Variants in FHL2 observed in about 807,000 individuals in gnomAD.
The protein encoded by FHL2 is four and a half LIM domains 2, also known as four and a half LIM domains protein 2.
In FHL2, 20 loss-of-function variants were observed where a neutral mutation model predicts 32.7. The ratio of observed to expected loss-of-function variants is 0.61; its 90% CI spans 0.43 to 0.89. The LOEUF is 0.89. Ranked by LOEUF, FHL2 falls within the 40% of genes least tolerant of loss-of-function variation. The pLI is 0.00. For missense variants in FHL2, 311 were observed against 358.6 expected (o/e 0.87, Z 1.07); for synonymous variants, 123 against 128.1 (o/e 0.96, Z 0.27).
chr2:105,405,638 A>G (rs1683605862), intron 1 of FHL2, among the ~76,000 whole-genome samples: 1 of 152,248 alleles, frequency 6.6e-6, no homozygotes, highest in Non-Finnish European at 1.5e-5. Flanking sequence ...TTTATGAGTC[A>G]ACATTAAAAA....
chr2:105,411,296 A>T (rs536975080), intron 1 of FHL2, among the ~76,000 whole-genome samples: 1 of 152,354 alleles, frequency 6.6e-6, no homozygotes, highest in South Asian at 2.1e-4. Context: ...TTTAAAAAGT[A>T]ACTTTTTAAG....
intron 1 of FHL2, among the ~76,000 whole-genome samples, chr2:105,432,953 C>T (rs555145226): frequency 6.6e-6 from 1 of 152,282 alleles, no homozygotes; most frequent in African/African-American, 2.4e-5. Context: ...TAGCTCCTTC[C>T]TTTGGATTTC....
chr2:105,428,822 T>C (rs1038960622), intron 1 of FHL2, among the ~76,000 whole-genome samples: 4 of 152,218 alleles, frequency 2.6e-5, no homozygotes, highest in Non-Finnish European at 4.4e-5. Flanking sequence ...GGTCTGCCCT[T>C]GGCGGCTGCT....
chr2:105,402,642 G>A (rs756198949), upstream of FHL2, among the ~76,000 whole-genome samples: 36 of 152,160 alleles, frequency 2.4e-4, no homozygotes, highest in South Asian at 4.1e-4. Flanking sequence ...AGTCAAAGGA[G>A]GATGGCAAGA....
chr2:105,385,316 T>C (rs1271523129), intron 3 of FHL2, among the ~76,000 whole-genome samples: 1 of 152,198 alleles, frequency 6.6e-6, no homozygotes, highest in Non-Finnish European at 1.5e-5. Flanking sequence ...TTCCTAAGAA[T>C]GATGTGATCA....
downstream of FHL2, chr2:105,358,222 G>C (rs1027061466): frequency 3.3e-5 from 5 of 152,158 alleles, no homozygotes; most frequent in African/African-American, 1.2e-4. Context: ...CTCGTTCTCC[G>C]TACCAAATAC....
chr2:105,397,854 C>G (rs554238598), intron 1 of FHL2, among the ~76,000 whole-genome samples: 1 of 148,454 alleles, frequency 6.7e-6, no homozygotes, highest in East Asian at 2.0e-4. Flanking sequence ...ACTTCTAAGA[C>G]TTGATGCAAA....
chr2:105,394,557 C>T (rs1290117498), intron 2 of FHL2, among the ~76,000 whole-genome samples: 2 of 146,940 alleles, frequency 1.4e-5, no homozygotes, highest in Non-Finnish European at 3.0e-5. Context: ...GCACTCCAGC[C>T]TGAGCAACAG....
intron 4 of FHL2, among the ~76,000 whole-genome samples, chr2:105,368,207 C>A (rs1423107230): frequency 6.6e-6 from 1 of 152,178 alleles, no homozygotes; most frequent in Non-Finnish European, 1.5e-5. Context: ...GAACCTGGAA[C>A]CTCGAACCTG....
In FHL2 at chr2:105,399,024, G is replaced by T. The variant is rs1043297556; in HGVS notation, c.-258C>A. On this transcript the variant is annotated 5_prime_UTR_variant, in exon 1 of 7. Coordinates refer to ENST00000530340, the MANE Select transcript of FHL2 (RefSeq NM_001318895.3). ...CGGGGCTGGAGGGCGCGGGCGGCTG[G>T]TGGCTGCGGCTCCGCTGCCGGCCGA... 2 of 1,495,144 alleles carry T rather than the reference G, an allele frequency of 1.3e-6. 1 individual carries two copies. Among genetic ancestry groups the T allele is most frequent in the African/African-American group, 2.9e-5 (2 of 68,414 alleles). The allele number at this position is 1,495,144 out of a possible 1,614,324, so 92.6% of individuals were successfully genotyped here. A position where few individuals can be genotyped will look rare whatever the true frequency, so the allele number is the denominator to read the frequency against.
chr2:105,374,892 C>T (rs546432502), intron 3 of FHL2, among the ~76,000 whole-genome samples: 27 of 152,302 alleles, frequency 1.8e-4, no homozygotes, highest in African/African-American at 4.3e-4. Context: ...AGGCTCTGCA[C>T]GGTTTCCTGG....
At position 105,361,356 on chromosome 2, in the gene FHL2, A is replaced by T; in HGVS notation, c.767T>A (p.Leu256His). ...NDCFNCKKCS[L>H]SLVGRGFLTE... ...GAGGAAGCCACGCCCCACCAGTGAG[A>T]GGGAGCACTTCTTACAGTTAAAGCA... Residue 256 changes from leucine to histidine, a missense_variant, in exon 7 of 7, where the codon CTC (leucine) becomes CAC (histidine). Coordinates refer to ENST00000530340, the MANE Select transcript of FHL2 (RefSeq NM_001318895.3). 1 of 1,614,116 alleles carries T rather than the reference A, an allele frequency of 6.2e-7. No individual in the cohort carries two copies. The highest frequency in any genetic ancestry group is 8.5e-7 in the Non-Finnish European group (1 of 1,179,936).
intron 1 of FHL2, among the ~76,000 whole-genome samples, chr2:105,417,923 C>A (rs955520323): frequency 6.6e-6 from 1 of 152,054 alleles, no homozygotes; most frequent in African/African-American, 2.4e-5. Flanking sequence ...CCCACCACAA[C>A]TTTTGTACCA....
At chr2:105,415,849 G>A (rs533004474) in intron 1 of FHL2, among the ~76,000 whole-genome samples, 3 of 152,310 alleles carry the variant, frequency 2.0e-5, no homozygotes, top group South Asian at 4.1e-4. Context: ...GGTACCCCAT[G>A]GTGGGAAAAT....
In FHL2 at chr2:105,426,393, C is replaced by A. The variant is rs80195752; in HGVS notation, c.-25+12006G>T. On this transcript the variant is annotated intron_variant, in intron 1 of 5. Transcript: ENST00000393352. Reference sequence around the variant, plus strand: ...GCTCCATAATTCAAGTCAAAAGTAACCAAAAGCAGAATGAAAAACACATGG... The same window carrying A: ...GCTCCATAATTCAAGTCAAAAGTAAACAAAAGCAGAATGAAAAACACATGG... Among the ~76,000 whole-genome samples the A allele has an allele frequency of 2.9e-3, 440 of 152,248 alleles. 4 individuals carry two copies. The highest frequency in any genetic ancestry group is 0.01 in the African/African-American group (423 of 41,550).
intron 1 of FHL2, among the ~76,000 whole-genome samples, chr2:105,432,893 C>T (rs757240978): frequency 2.0e-5 from 3 of 152,202 alleles, no homozygotes; most frequent in Non-Finnish European, 2.9e-5. Flanking sequence ...AAACCTGGTT[C>T]CCAGCCAGGA....
At chr2:105,434,341 G>A (rs931609244) in intron 1 of FHL2, among the ~76,000 whole-genome samples, 10 of 152,332 alleles carry the variant, frequency 6.6e-5, no homozygotes, top group Non-Finnish European at 1.3e-4. Context: ...GGAGGCTGAG[G>A]TGGGCGGATC....
chr2:105,434,866 C>T (rs1364373214), intron 1 of FHL2, among the ~76,000 whole-genome samples: 3 of 151,820 alleles, frequency 2.0e-5, no homozygotes, highest in Admixed American at 6.6e-5. Flanking sequence ...CCTCAGCCTC[C>T]GAAACTAGCT....
chr2:105,427,197 T>C (rs187541795), intron 1 of FHL2, among the ~76,000 whole-genome samples: 46 of 152,288 alleles, frequency 3.0e-4, no homozygotes, highest in Non-Finnish European at 1.2e-4. Context: ...ACCACATCAA[T>C]CACCCTCACA....
Sources: gnomAD v4.1 joint callset for allele counts (sites outside exome capture counted in the v4.1 genomes callset) on GRCh38, gnomAD v4.1.1 for gene constraint, MANE v1.5 for transcripts, NCBI Gene and HGNC (gene_info 2026-07-23, HGNC 2026-07-21) for gene names.